Variants in NBAS observed in about 807,000 individuals in gnomAD.
The protein encoded by NBAS is NBAS subunit of NRZ tethering complex, also known as NAG/BC035112 fusion.
In NBAS, 219 loss-of-function variants were observed where a neutral mutation model predicts 302.5. The observed-to-expected ratio is 0.72, with a 90% CI of 0.65 to 0.81. The LOEUF (loss-of-function observed/expected upper bound fraction) is 0.81. Among genes scored for constraint, NBAS ranks in the 30% least tolerant of loss-of-function variants. The pLI, the probability that NBAS is intolerant of heterozygous loss-of-function variation, is 0.00. For synonymous variants in NBAS, 1,118 were observed against 1,021.6 expected (o/e 1.09, Z -1.80); for missense variants, 2,932 against 2,841.6 (o/e 1.03, Z -0.72).
chr2:14,796,221 A>G, the NBAS span, among the ~76,000 whole-genome samples: 1 of 152,214 alleles, frequency 6.6e-6, no homozygotes, highest in Non-Finnish European at 1.5e-5. Context: ...TGACAGCACT[A>G]TATGCTGCCT....
chr2:14,867,410 G>C, the NBAS span, among the ~76,000 whole-genome samples: 265 of 152,268 alleles, frequency 1.7e-3, no homozygotes, highest in African/African-American at 5.5e-3. Flanking sequence ...TAAGACCTGA[G>C]CAATTGGCCT....
the NBAS span, among the ~76,000 whole-genome samples, chr2:15,086,391 T>A: frequency 6.6e-6 from 1 of 152,170 alleles, no homozygotes; most frequent in African/African-American, 2.4e-5. Flanking sequence ...TTGCTTATCC[T>A]CCACTTGTCT....
intron 47 of NBAS, among the ~76,000 whole-genome samples, chr2:15,231,080 G>A (rs754557952): frequency 7.0e-4 from 107 of 152,296 alleles, no homozygotes; most frequent in African/African-American, 2.5e-3. Context: ...CGTCTCCCGC[G>A]CAAGACTGTG....
the NBAS span, among the ~76,000 whole-genome samples, chr2:15,119,348 G>A: frequency 3.6e-3 from 458 of 126,286 alleles, 4 homozygotes; most frequent in African/African-American, 0.013. Context: ...TTGCACTGTC[G>A]CCCAGGCCAG....
At chr2:15,036,117 T>C in the NBAS span, among the ~76,000 whole-genome samples, 1 of 152,230 alleles carries the variant, frequency 6.6e-6, no homozygotes, top group South Asian at 2.1e-4. Flanking sequence ...TTTGTATCCC[T>C]TCTAATACTT....
the NBAS span, among the ~76,000 whole-genome samples, chr2:15,096,907 G>C: frequency 6.6e-6 from 1 of 152,198 alleles, no homozygotes; most frequent in South Asian, 2.1e-4. Context: ...TGCAAGAGAG[G>C]AAACAGGAGC....
the NBAS span, among the ~76,000 whole-genome samples, chr2:14,985,396 C>A: frequency 6.6e-6 from 1 of 152,084 alleles, no homozygotes; most frequent in African/African-American, 2.4e-5. Flanking sequence ...CATAAGGTAG[C>A]AAGAGAAAAC....
the NBAS span, among the ~76,000 whole-genome samples, chr2:14,921,273 G>T: frequency 7.9e-5 from 12 of 152,120 alleles, no homozygotes; most frequent in African/African-American, 2.9e-4. Context: ...TCTTATATGA[G>T]TGTGGTTCAT....
chr2:15,261,847 T>G (rs1013965352), intron 44 of NBAS, among the ~76,000 whole-genome samples: 1 of 152,242 alleles, frequency 6.6e-6, no homozygotes, highest in African/African-American at 2.4e-5. Flanking sequence ...AGAAATCTTC[T>G]ATTACATGCT....
chr2:15,015,456 A>G, the NBAS span, among the ~76,000 whole-genome samples: 843 of 152,356 alleles, frequency 5.5e-3, 10 homozygotes, highest in African/African-American at 0.019. Context: ...AGTGGGGTTT[A>G]TCCCAGGCAT....
the NBAS span, among the ~76,000 whole-genome samples, chr2:14,837,367 G>C: frequency 6.6e-6 from 1 of 151,852 alleles, no homozygotes; most frequent in Non-Finnish European, 1.5e-5. Flanking sequence ...AAGTCCTTGA[G>C]GAAGCTGGCC....
chr2:15,172,129 A>C (rs970073856), intron 51 of NBAS, among the ~76,000 whole-genome samples: 4 of 152,254 alleles, frequency 2.6e-5, no homozygotes, highest in Non-Finnish European at 4.4e-5. Flanking sequence ...ATGGGAATGC[A>C]TCAGTGTCAC....
intron 45 of NBAS, among the ~76,000 whole-genome samples, chr2:15,236,891 T>C (rs895410688): frequency 6.6e-6 from 1 of 152,146 alleles, no homozygotes; most frequent in Non-Finnish European, 1.5e-5. Flanking sequence ...ATAAAATTTC[T>C]TTCAAAATTT....
At chr2:15,009,069 T>C in the NBAS span, among the ~76,000 whole-genome samples, 2,299 of 152,328 alleles carry the variant, frequency 0.015, 49 homozygotes, top group African/African-American at 0.043. Flanking sequence ...CTCTCCTTAA[T>C]GCACTAATAG....
At chr2:14,985,864 G>A in the NBAS span, among the ~76,000 whole-genome samples, 1 of 152,142 alleles carries the variant, frequency 6.6e-6, no homozygotes, top group African/African-American at 2.4e-5. Flanking sequence ...AAAGGTATGT[G>A]AAAATTAGGG....
intron 21 of NBAS, among the ~76,000 whole-genome samples, chr2:15,458,612 C>T (rs971932128): frequency 2.6e-5 from 4 of 152,152 alleles, no homozygotes; most frequent in African/African-American, 9.7e-5. Flanking sequence ...GAAGCAGATG[C>T]CAGAGCTATG....
chr2:14,974,613 G>A, the NBAS span, among the ~76,000 whole-genome samples: 3 of 152,114 alleles, frequency 2.0e-5, no homozygotes, highest in African/African-American at 7.2e-5. Flanking sequence ...AAAGCTTCAG[G>A]ACTAAAAAGG....
At chr2:14,958,516 G>A in the NBAS span, among the ~76,000 whole-genome samples, 691 of 152,234 alleles carry the variant, frequency 4.5e-3, 5 homozygotes, top group African/African-American at 0.015. Flanking sequence ...GAGCAAATGC[G>A]CTACTCAGTT....
chr2:15,245,660 CGGAT>C (rs1417876870), intron 44 of NBAS, among the ~76,000 whole-genome samples: 26 of 151,110 alleles, frequency 1.7e-4, no homozygotes, highest in African/African-American at 3.4e-4. Flanking sequence ...GACGGACGGA[CGGAT>C]GGATGGATGG....
Sources: gnomAD v4.1 joint callset for allele counts (sites outside exome capture counted in the v4.1 genomes callset) on GRCh38, gnomAD v4.1.1 for gene constraint, MANE v1.5 for transcripts, NCBI Gene and HGNC (gene_info 2026-07-23, HGNC 2026-07-21) for gene names.